The following MYO16 variants were observed in gnomAD, a reference collection of about 807,000 sequenced individuals.
MYO16 encodes unconventional myosin-XVI.
A neutral mutation model predicts 205.3 loss-of-function variants in MYO16; 94 were observed. That is an observed-to-expected ratio of 0.46 (90% confidence interval 0.39 to 0.54). The LOEUF is 0.54. Among genes scored for constraint, MYO16 ranks in the 20% least tolerant of loss-of-function variants. MYO16 has a pLI of 0.00. For synonymous variants in MYO16, 988 were observed against 954.0 expected (o/e 1.04, Z -0.66); for missense variants, 2,315 against 2,387.5 (o/e 0.97, Z 0.63).
At chr13:108,584,855 A>C in the MYO16 span, among the ~76,000 whole-genome samples, 6 of 152,240 alleles carry the variant, frequency 3.9e-5, no homozygotes, top group African/African-American at 1.2e-4. Context: ...TTGTATTTTT[A>C]CAGAATAATT....
At chr13:108,496,271 T>C in the MYO16 span, among the ~76,000 whole-genome samples, 1 of 152,156 alleles carries the variant, frequency 6.6e-6, no homozygotes, top group Non-Finnish European at 1.5e-5. Flanking sequence ...AAACTGGCCA[T>C]TTCGAGGGAC....
chr13:108,667,114 C>G (rs1466562513), intron 2 of MYO16, among the ~76,000 whole-genome samples: 1 of 152,148 alleles, frequency 6.6e-6, no homozygotes, highest in Non-Finnish European at 1.5e-5. Context: ...GGTTTATAAC[C>G]TGTTCAGTTT....
At position 109,140,191 on chromosome 13, in the gene MYO16, G is replaced by A; in HGVS notation, c.4052-73G>A. ...GGCACGGGGCCGTGGCTCCCTCCGA[G>A]TCGAGCCCCGGGCTTGGTGGGCACC... On this transcript the variant is annotated intron_variant, in intron 31 of 34. Transcript: ENST00000457511. This position sits in a 1 kb window ranked among gnomAD's most constrained non-coding sequence, Gnocchi z 8.0. 1 of 1,560,884 alleles carries A rather than the reference G, an allele frequency of 6.4e-7. No individual in the cohort carries two copies. Among genetic ancestry groups the A allele is most frequent in the Non-Finnish European group, 8.6e-7 (1 of 1,162,446 alleles).
At chr13:108,562,812 T>C in the MYO16 span, among the ~76,000 whole-genome samples, 2 of 152,340 alleles carry the variant, frequency 1.3e-5, no homozygotes, top group Middle Eastern at 3.4e-3. Context: ...GGCTATACCA[T>C]ATGGCTTGGG....
intron 16 of MYO16, among the ~76,000 whole-genome samples, chr13:108,923,105 T>C (rs1881819914): frequency 6.6e-6 from 1 of 152,206 alleles, no homozygotes; most frequent in South Asian, 2.1e-4. Context: ...GTGAAAGATT[T>C]TGTGGCGGTA....
At chr13:108,649,288 C>G (rs7327834) in intron 1 of MYO16, among the ~76,000 whole-genome samples, 2 of 152,044 alleles carry the variant, frequency 1.3e-5, no homozygotes, top group African/African-American at 4.8e-5. Context: ...CCCACTAGGG[C>G]CAGGTCCTAC....
chr13:108,957,552 C>A, intron 16 of MYO16, 136 bp from the exon 17 acceptor site: 1 of 587,850 alleles, frequency 1.7e-6, no homozygotes, highest in Non-Finnish European at 3.2e-6. Flanking sequence ...GCACCAAATG[C>A]TTTGAAAACA....
intron 16 of MYO16, among the ~76,000 whole-genome samples, chr13:108,951,602 A>T (rs1295314633): frequency 1.3e-5 from 2 of 152,174 alleles, no homozygotes; most frequent in African/African-American, 2.4e-5. Flanking sequence ...TTTTCCTAGA[A>T]TTTGCTGTAA....
At chr13:108,848,445 C>T (rs758822257) in intron 10 of MYO16, among the ~76,000 whole-genome samples, 1 of 152,150 alleles carries the variant, frequency 6.6e-6, no homozygotes, top group Non-Finnish European at 1.5e-5. Flanking sequence ...TTATTTTCTG[C>T]TTTCACTACA....
intron 4 of MYO16, among the ~76,000 whole-genome samples, chr13:108,740,130 T>C (rs144081043): frequency 8.0e-4 from 120 of 149,376 alleles, no homozygotes; most frequent in Admixed American, 1.3e-3. Context: ...CCCTCTTCTC[T>C]CAACTCGTCA....
At chr13:108,521,178 A>G in the MYO16 span, among the ~76,000 whole-genome samples, 2 of 152,236 alleles carry the variant, frequency 1.3e-5, no homozygotes, top group African/African-American at 4.8e-5. Flanking sequence ...CTGGAAATAA[A>G]CATGTGTGAC....
chr13:109,020,278 G>A (rs1885976876), intron 23 of MYO16, among the ~76,000 whole-genome samples: 1 of 152,060 alleles, frequency 6.6e-6, no homozygotes, highest in South Asian at 2.1e-4. Context: ...TAGTATTAAA[G>A]TATTTTTTAT....
intron 4 of MYO16, among the ~76,000 whole-genome samples, chr13:108,738,406 C>G (rs1594253055): frequency 1.5e-5 from 1 of 68,420 alleles, no homozygotes; most frequent in South Asian, 4.5e-4. Flanking sequence ...AGTAGTCATT[C>G]AGGAGCAGGT....
At chr13:108,641,503 A>G (rs1205840545) in intron 1 of MYO16, among the ~76,000 whole-genome samples, 2 of 152,092 alleles carry the variant, frequency 1.3e-5, no homozygotes, top group African/African-American at 2.4e-5. Context: ...CAACAAATAT[A>G]AGATTAAGGA....
At chr13:108,716,646 T>C (rs546317974) in intron 3 of MYO16, among the ~76,000 whole-genome samples, 31 of 152,346 alleles carry the variant, frequency 2.0e-4, no homozygotes, top group African/African-American at 7.5e-4. Flanking sequence ...TCTGTGCTGT[T>C]GGCCTCACCT....
intron 2 of MYO16, among the ~76,000 whole-genome samples, chr13:108,706,874 A>C (rs1883529586): frequency 6.6e-6 from 1 of 152,162 alleles, no homozygotes; most frequent in Non-Finnish European, 1.5e-5. Context: ...AACTGGTTGA[A>C]GACTGTGAGG....
chr13:108,829,254 G>A (rs1407072017), intron 9 of MYO16, among the ~76,000 whole-genome samples: 1 of 152,160 alleles, frequency 6.6e-6, no homozygotes, highest in Non-Finnish European at 1.5e-5. Flanking sequence ...CTTCATAACT[G>A]AGTTAATATT....
upstream of MYO16, among the ~76,000 whole-genome samples, chr13:108,624,733 G>A (rs1257835628): frequency 6.6e-6 from 1 of 151,938 alleles, no homozygotes; most frequent in Non-Finnish European, 1.5e-5. Context: ...ACCAAAGGAA[G>A]TGGGTGGCCA....
chr13:108,846,929 T>C (rs1174075667), intron 10 of MYO16, among the ~76,000 whole-genome samples: 1 of 152,154 alleles, frequency 6.6e-6, no homozygotes, highest in Non-Finnish European at 1.5e-5. Context: ...GTGAAATTAT[T>C]GTACATTTCT....
Sources: gnomAD v4.1 joint callset for allele counts (sites outside exome capture counted in the v4.1 genomes callset) on GRCh38, gnomAD v4.1.1 for gene constraint, Gnocchi (gnomAD v3.1) non-coding constraint, MANE v1.5 for transcripts, NCBI Gene and HGNC (gene_info 2026-07-23, HGNC 2026-07-21) for gene names.